NAALADL2: variants seen among roughly 807,000 people sequenced by gnomAD.
NAALADL2 encodes the protein inactive N-acetylated-alpha-linked acidic dipeptidase-like protein 2.
NAALADL2 carries 76 observed loss-of-function variants against 87.2 expected under a neutral mutation model. The ratio of observed to expected loss-of-function variants is 0.87; its 90% CI spans 0.72 to 1.05. The LOEUF (loss-of-function observed/expected upper bound fraction) is 1.05. Among genes scored for constraint, NAALADL2 ranks in the 50% least tolerant of loss-of-function variants. The probability of loss-of-function intolerance (pLI) is 0.00; values close to 1 mark genes in which losing one functional copy is unlikely to be tolerated. For missense variants in NAALADL2, 1,089 were observed against 945.8 expected (o/e 1.15, Z -1.99); for synonymous variants, 354 against 331.0 (o/e 1.07, Z -0.75).
At chr3:175,542,823 A>C (rs1309074923) in intron 9 of NAALADL2, among the ~76,000 whole-genome samples, 1 of 152,216 alleles carries the variant, frequency 6.6e-6, no homozygotes, top group Admixed American at 6.5e-5. Context: ...TGATAAGCCA[A>C]TTCAATTCAC....
In NAALADL2 at chr3:174,618,202, C is replaced by T. The variant is rs534092129; in HGVS notation, c.-115+67565C>T. 8.6e-5 allele frequency among the ~76,000 whole-genome samples: 13 copies of T among 151,840 alleles called. No homozygotes were observed. In the East Asian group the frequency reaches 2.5e-3, roughly 29 times the overall value. On this transcript the variant is annotated intron_variant, in intron 2 of 3. Coordinates refer to the NAALADL2 transcript ENST00000434257. ...AAATGATAACCAGAGGTCAGTACTG[C>T]TCCATAATTCTGTGCTTTCATTACC...
intron 4 of NAALADL2, among the ~76,000 whole-genome samples, chr3:175,260,104 A>G (rs1020277831): frequency 5.3e-5 from 8 of 152,260 alleles, no homozygotes; most frequent in Admixed American, 3.3e-4. Flanking sequence ...AAACAAAGCA[A>G]GTTTCTTTGT....
At chr3:174,970,901 G>A (rs766694927) in intron 1 of NAALADL2, among the ~76,000 whole-genome samples, 7 of 152,136 alleles carry the variant, frequency 4.6e-5, no homozygotes, top group Non-Finnish European at 1.0e-4. Context: ...GAAAGGAGTG[G>A]CATTGTATTA....
chr3:175,707,328 G>T (rs114864152), intron 11 of NAALADL2, among the ~76,000 whole-genome samples: 162 of 152,136 alleles, frequency 1.1e-3, no homozygotes, highest in African/African-American at 3.7e-3. Context: ...TTTCATATAA[G>T]CTTCAAGTCA....
chr3:175,558,258 T>C (rs188268039), intron 9 of NAALADL2, among the ~76,000 whole-genome samples: 2 of 152,006 alleles, frequency 1.3e-5, no homozygotes, highest in East Asian at 3.9e-4. Context: ...TCTTTTGCCA[T>C]TTTTAAAATC....
At chr3:174,970,225 G>A (rs1743439507) in intron 1 of NAALADL2, among the ~76,000 whole-genome samples, 1 of 152,098 alleles carries the variant, frequency 6.6e-6, no homozygotes, top group African/African-American at 2.4e-5. Flanking sequence ...ACAGCATAAA[G>A]CCAATCCCAA....
At chr3:175,174,821 T>TA (rs1164085319) in intron 2 of NAALADL2, among the ~76,000 whole-genome samples, 1 of 118,042 alleles carries the variant, frequency 8.5e-6, no homozygotes, top group Non-Finnish European at 1.9e-5. Flanking sequence ...GCTATATATG[T>TA]ATACACACAC....
chr3:175,379,615 C>T (rs540076919), intron 5 of NAALADL2, among the ~76,000 whole-genome samples: 6 of 151,518 alleles, frequency 4.0e-5, no homozygotes, highest in South Asian at 2.1e-4. Flanking sequence ...CTCACTGCAA[C>T]GTCTGCCTCC....
chr3:174,578,745 CAT>C (rs1398706523), intron 2 of NAALADL2, among the ~76,000 whole-genome samples: 5 of 151,706 alleles, frequency 3.3e-5, no homozygotes, highest in Non-Finnish European at 7.4e-5. Flanking sequence ...CTTTAACAGT[CAT>C]ATAAAAACAT....
chr3:175,118,767 A>G (rs1725680075), intron 2 of NAALADL2, among the ~76,000 whole-genome samples: 1 of 151,788 alleles, frequency 6.6e-6, no homozygotes, highest in South Asian at 2.1e-4. Flanking sequence ...ATCATGATGA[A>G]TGGAGAATGA....
intron 2 of NAALADL2, among the ~76,000 whole-genome samples, chr3:174,691,053 C>G (rs567970700): frequency 2.0e-5 from 3 of 152,058 alleles, no homozygotes; most frequent in Non-Finnish European, 4.4e-5. Flanking sequence ...TGCTATATAC[C>G]CATCTACTGA....
intron 2 of NAALADL2, among the ~76,000 whole-genome samples, chr3:174,693,423 T>G (rs958944348): frequency 6.6e-6 from 1 of 152,154 alleles, no homozygotes; most frequent in African/African-American, 2.4e-5. Flanking sequence ...AATAAATTGT[T>G]CATCTTTTGG....
At chr3:175,567,873 A>T (rs9856228) in intron 9 of NAALADL2, among the ~76,000 whole-genome samples, 7,829 of 150,832 alleles carry the variant, frequency 0.052, 498 homozygotes, top group African/African-American at 0.15. Context: ...GTGTCATAAC[A>T]CCCCGCTAAT....
At chr3:174,548,671 C>T (rs1390503453) in intron 1 of NAALADL2, among the ~76,000 whole-genome samples, 1 of 152,122 alleles carries the variant, frequency 6.6e-6, no homozygotes, top group African/African-American at 2.4e-5. Flanking sequence ...TAGAATTGCT[C>T]TGTTTACTGC....
chr3:175,238,537 T>C (rs1009608815), intron 3 of NAALADL2, among the ~76,000 whole-genome samples: 2 of 152,182 alleles, frequency 1.3e-5, no homozygotes, highest in African/African-American at 4.8e-5. Flanking sequence ...TAAATACATA[T>C]TGATTTAAAT....
At chr3:175,105,675 A>ACG (rs1389795498) in intron 2 of NAALADL2, among the ~76,000 whole-genome samples, 11 of 118,228 alleles carry the variant, frequency 9.3e-5, no homozygotes, top group African/African-American at 3.0e-4. Context: ...ACACACACAC[A>ACG]CACACACATC....
At chr3:174,530,397 T>A (rs1721132204) in intron 1 of NAALADL2, among the ~76,000 whole-genome samples, 1 of 152,130 alleles carries the variant, frequency 6.6e-6, no homozygotes, top group Admixed American at 6.5e-5. Context: ...CTCCCAACTT[T>A]CCCAAATTTT....
At chr3:174,974,525 G>T (rs1744108549) in intron 1 of NAALADL2, among the ~76,000 whole-genome samples, 1 of 152,128 alleles carries the variant, frequency 6.6e-6, no homozygotes, top group Non-Finnish European at 1.5e-5. Flanking sequence ...ATGAGATAGT[G>T]TTGTGAAAGC....
At chr3:175,787,772 AAAG>A (rs1409363248) in intron 13 of NAALADL2, among the ~76,000 whole-genome samples, 1 of 152,236 alleles carries the variant, frequency 6.6e-6, no homozygotes, top group Non-Finnish European at 1.5e-5. Flanking sequence ...GATATAAAAA[AAAG>A]AAAATATTTT....
Sources: gnomAD v4.1 joint callset for allele counts (sites outside exome capture counted in the v4.1 genomes callset) on GRCh38, gnomAD v4.1.1 for gene constraint, MANE v1.5 for transcripts, NCBI Gene and HGNC (gene_info 2026-07-23, HGNC 2026-07-21) for gene names.